LOXHD1: variants seen among roughly 807,000 people sequenced by gnomAD.
LOXHD1 encodes lipoxygenase homology PLAT domains 1.
A neutral mutation model predicts 248.2 loss-of-function variants in LOXHD1; 205 were observed. The ratio of observed to expected loss-of-function variants is 0.83; its 90% CI spans 0.74 to 0.93. The LOEUF (loss-of-function observed/expected upper bound fraction) is 0.93. Among genes scored for constraint, LOXHD1 ranks in the 40% least tolerant of loss-of-function variants. The pLI is 0.00. For missense variants in LOXHD1, 2,930 were observed against 2,971.6 expected (o/e 0.99, Z 0.33); for synonymous variants, 1,113 against 1,162.8 (o/e 0.96, Z 0.87).
rs569368470 is a variant in LOXHD1 at position 46,632,375 on chromosome 18, G to A, written c.511+7241C>T. Reference sequence around the variant, plus strand: ...GGACTGTGAGCACCTTGAGGGCAGGGACTATGTCCTTATCCACAGGCTCAG... The same window carrying A: ...GGACTGTGAGCACCTTGAGGGCAGGAACTATGTCCTTATCCACAGGCTCAG... On this transcript the variant is annotated intron_variant, in intron 4 of 40. Transcript: ENST00000642948. Among the ~76,000 whole-genome samples the A allele has an allele frequency of 1.7e-4, 26 of 152,190 alleles. No homozygotes were observed. The South Asian group carries it at 5.2e-3, about 30-fold the overall frequency.
At chr18:46,517,990 A>G in intron 34 of LOXHD1, 139 bp downstream of exon 34, 1 of 1,071,014 alleles carries the variant, frequency 9.3e-7, no homozygotes, top group Non-Finnish European at 1.4e-6. Flanking sequence ...GTACTGAGAC[A>G]GAATAGACAA....
rs554562120 is a variant in LOXHD1 at position 46,482,735 on chromosome 18, G to A, written c.6341+852C>T. On this transcript the variant is annotated intron_variant, in intron 40 of 40. Coordinates refer to ENST00000642948, the MANE Select transcript of LOXHD1 (RefSeq NM_001384474.1). ...TAGGTCCAGCCTGGCTGCCGCTTCT[G>A]TGCAGACAAGGGCTACCTTTCCTTG... Among the ~76,000 whole-genome samples, 8 of 152,322 alleles carry A rather than the reference G, an allele frequency of 5.3e-5. No homozygotes were observed. In the South Asian group the frequency reaches 1.7e-3, roughly 32 times the overall value.
At chr18:46,619,118 C>T (rs1290593484) in intron 4 of LOXHD1, among the ~76,000 whole-genome samples, 1 of 152,198 alleles carries the variant, frequency 6.6e-6, no homozygotes, top group African/African-American at 2.4e-5. Flanking sequence ...AAGGGGAATC[C>T]TCCAGCTTTT....
intron 10 of LOXHD1, among the ~76,000 whole-genome samples, chr18:46,593,144 G>GA (rs141455440): frequency 0.033 from 4,997 of 152,168 alleles, 276 homozygotes; most frequent in African/African-American, 0.11. Context: ...TCCATTGGGG[G>GA]AAAAAATCTT....
At chr18:46,534,968 C>T (rs756642799) in intron 26 of LOXHD1, among the ~76,000 whole-genome samples, 3 of 152,198 alleles carry the variant, frequency 2.0e-5, no homozygotes, top group Non-Finnish European at 4.4e-5. Flanking sequence ...GCTTTGCTTG[C>T]CTCTCTGCCT....
chr18:46,614,463 G>A (rs944566278), intron 5 of LOXHD1, among the ~76,000 whole-genome samples: 9 of 152,182 alleles, frequency 5.9e-5, no homozygotes, highest in East Asian at 3.9e-4. Context: ...GCAAACTATC[G>A]CAAGGATAGA....
intron 6 of LOXHD1, among the ~76,000 whole-genome samples, chr18:46,607,215 A>ATATATATATAT (rs2038428268): frequency 6.6e-6 from 1 of 151,908 alleles, no homozygotes; most frequent in Non-Finnish European, 1.5e-5. Flanking sequence ...ATTATATTTA[A>ATATATATATAT]ATAACATGGG....
intron 21 of LOXHD1, among the ~76,000 whole-genome samples, chr18:46,554,079 G>A (rs1301045522): frequency 6.6e-6 from 1 of 152,236 alleles, no homozygotes; most frequent in East Asian, 1.9e-4. Flanking sequence ...TGGAGCAGAG[G>A]AGTGGTGTGA....
At chr18:46,510,232 T>C (rs1489049054) in intron 34 of LOXHD1, among the ~76,000 whole-genome samples, 1 of 152,184 alleles carries the variant, frequency 6.6e-6, no homozygotes, top group Non-Finnish European at 1.5e-5. Context: ...TCTGAAAAGC[T>C]GTAAATGAGA....
chr18:46,512,613 C>A (rs2035031267), intron 34 of LOXHD1, among the ~76,000 whole-genome samples: 2 of 152,224 alleles, frequency 1.3e-5, no homozygotes, highest in African/African-American at 4.8e-5. Context: ...TGGGTGGTTC[C>A]ATGCTTAGAC....
At chr18:46,612,378 A>G (rs1038037525) in intron 5 of LOXHD1, among the ~76,000 whole-genome samples, 4 of 152,122 alleles carry the variant, frequency 2.6e-5, no homozygotes, top group African/African-American at 4.8e-5. Flanking sequence ...TTCCCCACAA[A>G]CATTAACATA....
At chr18:46,611,940 A>G (rs2038514787) in intron 5 of LOXHD1, among the ~76,000 whole-genome samples, 4 of 152,248 alleles carry the variant, frequency 2.6e-5, no homozygotes, top group Admixed American at 1.3e-4. Context: ...GATAGTCACT[A>G]TTATATTATC....
chr18:46,505,762 G>T lies in LOXHD1; in HGVS notation c.5878+76C>A. 2.0e-6 allele frequency: 3 copies of T among 1,469,364 alleles called. No homozygotes were observed. The African/African-American group carries it at 4.2e-5, about 21-fold the overall frequency. 91.0% of individuals were successfully genotyped at this position (1,469,364 alleles called of 1,614,324 possible). On this transcript the variant is annotated intron_variant, in intron 37 of 40. Transcript: ENST00000642948. The stretch of plus-strand genomic sequence containing the variant: ...CTGGGGTAATCAGAGTCAATGTGCT[G>T]CCAGGGAGGGAATAATGGCTCAGGA...
At chr18:46,484,048 A>G (rs777027924) in intron 39 of LOXHD1, among the ~76,000 whole-genome samples, 17 of 152,256 alleles carry the variant, frequency 1.1e-4, no homozygotes, top group South Asian at 4.1e-4. Context: ...GGAAGGGAAG[A>G]GTCCCCTGTA....
intron 37 of LOXHD1, among the ~76,000 whole-genome samples, chr18:46,491,894 T>C (rs1362541539): frequency 6.6e-6 from 1 of 152,230 alleles, no homozygotes. Flanking sequence ...AGGTTGCCTC[T>C]CTTCCCACTG....
intron 35 of LOXHD1, among the ~76,000 whole-genome samples, chr18:46,509,255 G>C (rs1260992222): frequency 6.6e-6 from 1 of 152,120 alleles, no homozygotes; most frequent in Non-Finnish European, 1.5e-5. Context: ...CAGACTCAGA[G>C]GCCCACAATG....
chr18:46,606,439 C>A (rs191544737), intron 6 of LOXHD1, among the ~76,000 whole-genome samples: 2 of 152,076 alleles, frequency 1.3e-5, no homozygotes, highest in Non-Finnish European at 2.9e-5. Flanking sequence ...TGACAACACA[C>A]CAAAAGTGGA....
intron 15 of LOXHD1, 73 bp downstream of exon 15, chr18:46,572,013 G>T: frequency 7.5e-7 from 1 of 1,326,602 alleles, no homozygotes; most frequent in Non-Finnish European, 1.1e-6. Flanking sequence ...GTGTTTTCTT[G>T]AAGGGCTTAG....
chr18:46,560,036 C>A (rs976270262), intron 19 of LOXHD1, 47 bp downstream of exon 19: 6 of 1,457,602 alleles, frequency 4.1e-6, no homozygotes, highest in Non-Finnish European at 5.6e-6. Context: ...TTTAGGGGAA[C>A]TGTCTGGCCA....
Sources: gnomAD v4.1 joint callset for allele counts (sites outside exome capture counted in the v4.1 genomes callset) on GRCh38, gnomAD v4.1.1 for gene constraint, MANE v1.5 for transcripts, NCBI Gene and HGNC (gene_info 2026-07-23, HGNC 2026-07-21) for gene names.